FBL: variants seen among roughly 807,000 people sequenced by gnomAD.
FBL encodes the protein rRNA 2'-O-methyltransferase fibrillarin.
Under a neutral mutation model 42.2 loss-of-function variants are expected in FBL, and 10 were observed. The ratio of observed to expected loss-of-function variants is 0.24; its 90% CI spans 0.15 to 0.40. The LOEUF (loss-of-function observed/expected upper bound fraction) is 0.40, where lower values mean the gene tolerates loss of function less well. Among genes scored for constraint, FBL ranks in the 10% least tolerant of loss-of-function variants. The pLI is 1.00. For missense variants in FBL, 351 were observed against 439.2 expected (o/e 0.80, Z 1.79); for synonymous variants, 165 against 165.4 (o/e 1.00, Z 0.02).
At chr19:39,842,624 CAAGT>C (rs1969182800) in intron 1 of FBL, among the ~76,000 whole-genome samples, 1 of 152,172 alleles carries the variant, frequency 6.6e-6, no homozygotes, top group Non-Finnish European at 1.5e-5. Flanking sequence ...TTTAAAACAG[CAAGT>C]AAGATCTCAT....
intron 6 of FBL, among the ~76,000 whole-genome samples, chr19:39,837,071 G>T (rs1331000687): frequency 6.6e-6 from 1 of 152,148 alleles, no homozygotes; most frequent in Non-Finnish European, 1.5e-5. Flanking sequence ...AAAACAAGTT[G>T]CAGAACAAAG....
chr19:39,839,971 G>T (rs1969126200), intron 4 of FBL, among the ~76,000 whole-genome samples: 2 of 152,036 alleles, frequency 1.3e-5, no homozygotes, highest in African/African-American at 4.8e-5. Context: ...TGGTCAGAGA[G>T]TTAGTGAAGG....
chr19:39,835,473 C>T (rs1332606821), intron 7 of FBL, among the ~76,000 whole-genome samples: 1 of 151,160 alleles, frequency 6.6e-6, no homozygotes, highest in Non-Finnish European at 1.5e-5. Context: ...GAGCCGAGAT[C>T]GTACCACTGC....
At chr19:39,839,742 G>A (rs1267243911) in intron 4 of FBL, among the ~76,000 whole-genome samples, 1 of 152,146 alleles carries the variant, frequency 6.6e-6, no homozygotes, top group Non-Finnish European at 1.5e-5. Flanking sequence ...ATCTGAGGAA[G>A]GACATTCCCA....
Position 39,837,860 on chromosome 19 carries a change from A to C in FBL, c.550-17T>G, listed in dbSNP as rs767088385. 3 of 1,611,388 alleles carry C rather than the reference A, an allele frequency of 1.9e-6. No homozygotes were observed. Among genetic ancestry groups the C allele is most frequent in the Non-Finnish European group, 2.5e-6 (3 of 1,178,550 alleles). On this transcript the variant is annotated splice_polypyrimidine_tract_variant and intron_variant, in intron 5 of 8. Coordinates refer to ENST00000221801, the MANE Select transcript of FBL (RefSeq NM_001436.4). ...TAGACCATCCTAAAATAAATTAAAA[A>C]TTAATGAACAGTGATGCTAGTTCTC...
chr19:39,843,630 G>C (rs1435790699), intron 1 of FBL, among the ~76,000 whole-genome samples: 2 of 152,186 alleles, frequency 1.3e-5, no homozygotes. Flanking sequence ...AATTAGCTGG[G>C]CGTGGTGGCG....
intron 7 of FBL, among the ~76,000 whole-genome samples, chr19:39,836,210 T>A (rs1479651419): frequency 6.6e-6 from 1 of 151,918 alleles, no homozygotes; most frequent in Non-Finnish European, 1.5e-5. Context: ...TTATCTAGTA[T>A]CTATTCTATG....
intron 5 of FBL, 76 bp downstream of exon 5, chr19:39,838,955 GCAGT>G: frequency 1.5e-6 from 2 of 1,305,764 alleles, no homozygotes; most frequent in Non-Finnish European, 2.2e-6. Flanking sequence ...GCGCAGGCAA[GCAGT>G]CAAACCCTGA....
rs528565032 is a variant in FBL, at chr19:39,840,718, C to G, written c.80G>C (p.Arg27Pro). ...ACCTCGGCCCCCGCCAAAGCCCCCTCGGCCTCCACGACCACCACGGTCACC... is the reference window on the plus strand; with the variant it reads ...ACCTCGGCCCCCGCCAAAGCCCCCTGGGCCTCCACGACCACCACGGTCACC... ...GFGDRGGRGG[R>P]GGFGGGRGRG... is the part of the protein sequence containing the mutation. Residue 27 changes from arginine (R) to proline (P), a missense_variant, in exon 2 of 9, where the codon CGA becomes CCA. Coordinates refer to ENST00000221801, the MANE Select transcript of FBL (RefSeq NM_001436.4). The surrounding 1 kb of genome is among the most constrained non-coding windows in gnomAD (Gnocchi z 4.5). 26 of 1,579,446 alleles carry G rather than the reference C, an allele frequency of 1.6e-5. No individual in the cohort carries two copies.
In FBL at chr19:39,841,880, T is replaced by C. The variant is rs139650844; in HGVS notation, c.11-1093A>G. Among the ~76,000 whole-genome samples, 21 of 152,364 alleles carry C rather than the reference T, an allele frequency of 1.4e-4. No homozygotes were observed. In the East Asian group the frequency reaches 3.8e-3, roughly 28 times the overall value. ...AAATAACAGACTCAGACAGGCTTTA[T>C]TCTTACCAGTTCAGGACAACAAACA... On this transcript the variant is annotated intron_variant, in intron 1 of 8. Transcript: ENST00000221801.
At chr19:39,846,157 T>C (rs377454089) in intron 1 of FBL, 134 bp downstream of exon 1, 11 of 1,040,146 alleles carry the variant, frequency 1.1e-5, no homozygotes, top group Middle Eastern at 4.2e-4. Context: ...AGAATCCCCC[T>C]TCCCACAGGA....
Position 39,840,120 on chromosome 19 carries a change from T to C in FBL, c.378+113A>G. ...GGGAGCAGACAGTGTGGTTTACATA[T>C]TATGACAATCCTCCAGCTGTCACGT... On this transcript the variant is annotated intron_variant, in intron 4 of 8. Coordinates refer to ENST00000221801, the MANE Select transcript of FBL (RefSeq NM_001436.4). The surrounding 1 kb of genome is among the most constrained non-coding windows in gnomAD (Gnocchi z 4.5). 1.3e-6 allele frequency: 1 copy of C among 761,090 alleles called. No individual in the cohort carries two copies. Among genetic ancestry groups the C allele is most frequent in the Non-Finnish European group, 2.3e-6 (1 of 435,500 alleles). The allele number at this position is 761,090 out of a possible 1,614,324, so 47.1% of individuals were successfully genotyped here. A position where few individuals can be genotyped will look rare whatever the true frequency, so the allele number is the denominator to read the frequency against.
rs772669608 is a variant in FBL at position 39,840,188 on chromosome 19, C to T, written c.378+45G>A. The stretch of plus-strand genomic sequence containing the variant: ...GGCAGACACAGACTACTGGCTACAC[C>T]CTCAGCTGCGACCCTGGTGGCTTGG... On this transcript the variant is annotated intron_variant, in intron 4 of 8. Coordinates refer to ENST00000221801, the MANE Select transcript of FBL (RefSeq NM_001436.4). This position sits in a 1 kb window ranked among gnomAD's most constrained non-coding sequence, Gnocchi z 4.5. The T allele has an allele frequency of 7.3e-6, 10 of 1,377,444 alleles. No homozygotes were observed. Among genetic ancestry groups the T allele is most frequent in the Admixed American group, 3.4e-5 (2 of 59,660 alleles). 85.3% of individuals were successfully genotyped at this position (1,377,444 alleles called of 1,614,324 possible).
intron 1 of FBL, among the ~76,000 whole-genome samples, chr19:39,841,960 T>G (rs1274619681): frequency 6.6e-6 from 1 of 152,184 alleles, no homozygotes; most frequent in African/African-American, 2.4e-5. Context: ...AGATTCAATA[T>G]TTTCTCTGAT....
chr19:39,844,897 C>G (rs1416447472), intron 1 of FBL, among the ~76,000 whole-genome samples: 1 of 152,196 alleles, frequency 6.6e-6, no homozygotes, highest in African/African-American at 2.4e-5. Flanking sequence ...ACAACTTTTA[C>G]AACTTCACAT....
At position 39,843,429 on chromosome 19, in the gene FBL, G is replaced by T. The variant is rs115606970; in HGVS notation, c.11-2642C>A. 7.6e-3 allele frequency among the ~76,000 whole-genome samples: 1,150 copies of T among 152,272 alleles called. 11 individuals are homozygous for T. Among genetic ancestry groups the T allele is most frequent in the African/African-American group, 0.026 (1,072 of 41,546 alleles). On this transcript the variant is annotated intron_variant, in intron 1 of 8. Transcript: ENST00000221801. ...TGCTGCCACTCTCGACCCTAGTAAG[G>T]AAGGTTCATAGGGGTCTTGAAAACT...
chr19:39,845,784 C>T (rs1969252432), intron 1 of FBL, among the ~76,000 whole-genome samples: 1 of 152,188 alleles, frequency 6.6e-6, no homozygotes, highest in African/African-American at 2.4e-5. Flanking sequence ...AGTCCTCATC[C>T]ACTCCGGCCC....
intron 4 of FBL, 84 bp from the exon 5 acceptor site, chr19:39,839,289 A>G: frequency 8.7e-7 from 1 of 1,147,278 alleles, no homozygotes; most frequent in Non-Finnish European, 1.2e-6. Context: ...CTTGAAAGGA[A>G]CTGGGCTGTC....
chr19:39,846,194 G>C, intron 1 of FBL, 97 bp downstream of exon 1: 1 of 1,417,590 alleles, frequency 7.1e-7, no homozygotes, highest in Non-Finnish European at 1.0e-6. Context: ...CAGAACCCCT[G>C]CCCCCAGGCC....
Sources: gnomAD v4.1 joint callset for allele counts (sites outside exome capture counted in the v4.1 genomes callset) on GRCh38, gnomAD v4.1.1 for gene constraint, Gnocchi (gnomAD v3.1) non-coding constraint, MANE v1.5 for transcripts, NCBI Gene and HGNC (gene_info 2026-07-23, HGNC 2026-07-21) for gene names.